COL23A1: variants seen among roughly 807,000 people sequenced by gnomAD.
COL23A1 encodes collagen alpha-1(XXIII) chain.
COL23A1 carries 97 observed loss-of-function variants against 99.3 expected under a neutral mutation model. The observed-to-expected ratio is 0.98, with a 90% CI of 0.83 to 1.16. The LOEUF (loss-of-function observed/expected upper bound fraction) is 1.16. Ranked by LOEUF, COL23A1 falls within the 50% of genes most tolerant of loss-of-function variation. The pLI is 0.00. For missense variants in COL23A1, 762 were observed against 757.4 expected, an observed-to-expected ratio of 1.01 and a Z score of -0.07; for synonymous variants, 320 against 308.2, an observed-to-expected ratio of 1.04 and a Z score of -0.40.
At chr5:178,444,294 G>A (rs984256025) in intron 2 of COL23A1, among the ~76,000 whole-genome samples, 3 of 152,162 alleles carry the variant, frequency 2.0e-5, no homozygotes, top group African/African-American at 7.2e-5. Flanking sequence ...TATTAATCTT[G>A]CCAAATATTC....
At chr5:178,299,450 T>C (rs950123631) in intron 3 of COL23A1, among the ~76,000 whole-genome samples, 2 of 152,184 alleles carry the variant, frequency 1.3e-5, no homozygotes, top group Non-Finnish European at 2.9e-5. Flanking sequence ...GTTACTAGTG[T>C]TTCCTTTTAA....
At chr5:178,389,053 C>T (rs1182620089) in intron 2 of COL23A1, among the ~76,000 whole-genome samples, 2 of 152,150 alleles carry the variant, frequency 1.3e-5, no homozygotes, top group Admixed American at 6.5e-5. Flanking sequence ...CTTACCAAGG[C>T]AATTGAAGCC....
chr5:178,412,829 T>C (rs1318773956), intron 2 of COL23A1, among the ~76,000 whole-genome samples: 1 of 152,200 alleles, frequency 6.6e-6, no homozygotes, highest in Non-Finnish European at 1.5e-5. Flanking sequence ...CCTTTTTTCC[T>C]TGACTGATTA....
intron 2 of COL23A1, among the ~76,000 whole-genome samples, chr5:178,503,213 T>C (rs908666716): frequency 6.6e-6 from 1 of 152,136 alleles, no homozygotes; most frequent in Non-Finnish European, 1.5e-5. Context: ...AAACTCCACG[T>C]CTGCTAAAAA....
chr5:178,417,113 T>C (rs72822886), intron 2 of COL23A1, among the ~76,000 whole-genome samples: 9,924 of 152,302 alleles, frequency 0.065, 471 homozygotes, highest in Middle Eastern at 0.17. Context: ...GTCAGCAGTG[T>C]CAGCAGCGTT....
intron 2 of COL23A1, among the ~76,000 whole-genome samples, chr5:178,357,692 T>C (rs1761737941): frequency 6.6e-6 from 1 of 152,176 alleles, no homozygotes; most frequent in African/African-American, 2.4e-5. Context: ...TTTTGCTTAA[T>C]GTCAGGTCAG....
At chr5:178,448,741 T>A (rs1227549004) in intron 2 of COL23A1, among the ~76,000 whole-genome samples, 1 of 151,832 alleles carries the variant, frequency 6.6e-6, no homozygotes, top group Admixed American at 6.6e-5. Flanking sequence ...CACTTCCGTA[T>A]ACTGCTGCAC....
chr5:178,539,082 A>G (rs928623510), intron 2 of COL23A1, among the ~76,000 whole-genome samples: 30 of 152,204 alleles, frequency 2.0e-4, no homozygotes, highest in African/African-American at 7.0e-4. Context: ...GAAGGGGCTT[A>G]GGGGTTAACG....
chr5:178,470,919 T>G (rs1015427170), intron 2 of COL23A1, among the ~76,000 whole-genome samples: 2 of 152,224 alleles, frequency 1.3e-5, no homozygotes, highest in Non-Finnish European at 2.9e-5. Flanking sequence ...TGTGCACTTT[T>G]GTCCATTCCT....
intron 2 of COL23A1, among the ~76,000 whole-genome samples, chr5:178,343,629 T>G (rs1760791666): frequency 6.6e-6 from 1 of 150,892 alleles, no homozygotes; most frequent in Admixed American, 6.6e-5. Flanking sequence ...GTTCTGCTTG[T>G]GCAAACATCT....
At chr5:178,436,696 A>G (rs1379814821) in intron 2 of COL23A1, among the ~76,000 whole-genome samples, 2 of 152,180 alleles carry the variant, frequency 1.3e-5, no homozygotes, top group East Asian at 3.9e-4. Context: ...TGGGAACTCA[A>G]AGATAAACTC....
At chr5:178,559,913 C>T (rs1762474182) in intron 2 of COL23A1, among the ~76,000 whole-genome samples, 1 of 151,218 alleles carries the variant, frequency 6.6e-6, no homozygotes, top group South Asian at 2.1e-4. Context: ...ACCCAAAAGT[C>T]ACCTTTCCCT....
intron 2 of COL23A1, among the ~76,000 whole-genome samples, chr5:178,502,486 A>G (rs956252372): frequency 6.6e-6 from 1 of 152,186 alleles, no homozygotes; most frequent in Non-Finnish European, 1.5e-5. Flanking sequence ...CATACACTCT[A>G]AACACATGGA....
chr5:178,290,462 G>C, intron 3 of COL23A1, 93 bp from the exon 4 acceptor site: 3 of 1,529,842 alleles, frequency 2.0e-6, no homozygotes, highest in African/African-American at 1.4e-5. Context: ...TCCTCAGCAC[G>C]GCTCCTGGCC....
At chr5:178,477,569 T>G (rs1757098318) in intron 2 of COL23A1, among the ~76,000 whole-genome samples, 1 of 152,182 alleles carries the variant, frequency 6.6e-6, no homozygotes, top group South Asian at 2.1e-4. Context: ...AGACAGTTTG[T>G]ACCCAAAGGG....
At chr5:178,290,674 A>T (rs2913825) in intron 3 of COL23A1, among the ~76,000 whole-genome samples, 113,049 of 152,142 alleles carry the variant, frequency 0.74, 43,648 homozygotes, top group Non-Finnish European at 0.87. Flanking sequence ...GAATTGGAAC[A>T]TGTTCCTACT....
At position 178,495,606 on chromosome 5, in the gene COL23A1, G is replaced by A. The variant is rs1758156202; in HGVS notation, c.361+65076C>T. Among the ~76,000 whole-genome samples, 4 of 152,238 alleles carry A rather than the reference G, an allele frequency of 2.6e-5. No individual in the cohort carries two copies. The South Asian group carries it at 8.3e-4, about 32-fold the overall frequency. ...AAACAGACTGGGAAGGAATTTGCTA[G>A]CCTCAGATTATGAGGGAGGCTAGAA... On this transcript the variant is annotated intron_variant, in intron 2 of 28. Coordinates refer to ENST00000390654, the MANE Select transcript of COL23A1 (RefSeq NM_173465.4).
At chr5:178,357,026 T>G (rs1188227632) in intron 2 of COL23A1, among the ~76,000 whole-genome samples, 1 of 152,238 alleles carries the variant, frequency 6.6e-6, no homozygotes, top group Non-Finnish European at 1.5e-5. Context: ...GTGCTTCGAG[T>G]CAAATGCAAG....
chr5:178,361,115 T>A (rs1371877014), intron 2 of COL23A1, among the ~76,000 whole-genome samples: 1 of 152,236 alleles, frequency 6.6e-6, no homozygotes, highest in Non-Finnish European at 1.5e-5. Flanking sequence ...TCACACCATG[T>A]TTTTAAAAAA....
Sources: allele counts gnomAD v4.1 joint callset (sites outside exome capture counted in the v4.1 genomes callset), GRCh38; gene constraint gnomAD v4.1.1; transcripts MANE v1.5; gene names NCBI Gene and HGNC (gene_info 2026-07-23, HGNC 2026-07-21).